Variants in ASTN2 observed in about 807,000 individuals in gnomAD.
ASTN2 encodes astrotactin 2, also known as astrotactin-2.
A neutral mutation model predicts 139.8 loss-of-function variants in ASTN2; 54 were observed. That is an observed-to-expected ratio of 0.39 (90% CI 0.31 to 0.48). ASTN2 has a LOEUF of 0.48. Ranked by LOEUF, ASTN2 falls within the 20% of genes least tolerant of loss-of-function variation. The probability of loss-of-function intolerance (pLI) is 0.95; values close to 1 mark genes in which losing one functional copy is unlikely to be tolerated. For synonymous variants in ASTN2, 756 were observed against 719.5 expected, an observed-to-expected ratio of 1.05 and a Z score of -0.81; for missense variants, 1,565 against 1,725.1, an observed-to-expected ratio of 0.91 and a Z score of 1.64.
intron 12 of ASTN2, among the ~76,000 whole-genome samples, chr9:116,810,224 C>T (rs1367449654): frequency 1.3e-5 from 2 of 152,166 alleles, no homozygotes; most frequent in African/African-American, 4.8e-5. Context: ...ATCAACTGTT[C>T]TTTTAAAACA....
chr9:116,473,939 T>C (rs1039694623), intron 20 of ASTN2, among the ~76,000 whole-genome samples: 6 of 152,038 alleles, frequency 3.9e-5, no homozygotes, highest in Non-Finnish European at 8.8e-5. Context: ...AGATCTTATA[T>C]GTACTTGGTA....
At chr9:116,898,293 C>T (rs1213199537) in intron 10 of ASTN2, among the ~76,000 whole-genome samples, 2 of 151,666 alleles carry the variant, frequency 1.3e-5, no homozygotes, top group Non-Finnish European at 2.9e-5. Flanking sequence ...CTTGTGGTCT[C>T]AGCTACTCGG....
In ASTN2 at chr9:117,214,992, G is replaced by A. The variant is rs1832267083; in HGVS notation, c.631-250C>T. Among the ~76,000 whole-genome samples, 3 of 152,194 alleles carry A rather than the reference G, an allele frequency of 2.0e-5. No individual in the cohort carries two copies. In the South Asian group the frequency reaches 6.2e-4, roughly 31 times the overall value. On this transcript the variant is annotated intron_variant, in intron 2 of 22. Coordinates refer to ENST00000313400, the MANE Select transcript of ASTN2 (RefSeq NM_001365068.1). ...CTTGCTTTCCATAGTTATAAAGGTT[G>A]AGTAGGAATCCCTGCTCTTCCTTCT... is the stretch of plus-strand genomic sequence containing the variant.
chr9:116,470,223 A>G (rs980229896), intron 20 of ASTN2, among the ~76,000 whole-genome samples: 1 of 152,026 alleles, frequency 6.6e-6, no homozygotes, highest in African/African-American at 2.4e-5. Flanking sequence ...AATAAAAAAT[A>G]AAAAAAATAA....
At chr9:117,396,539 A>G (rs1464212719) in intron 1 of ASTN2, among the ~76,000 whole-genome samples, 1 of 152,044 alleles carries the variant, frequency 6.6e-6, no homozygotes, top group Non-Finnish European at 1.5e-5. Context: ...TTGTAGGTGC[A>G]TATATTTATG....
At chr9:116,536,670 G>A (rs1057458227) in intron 19 of ASTN2, among the ~76,000 whole-genome samples, 7 of 152,210 alleles carry the variant, frequency 4.6e-5, no homozygotes, top group Non-Finnish European at 1.0e-4. Context: ...GCAGAACATC[G>A]AATATTGCTG....
chr9:117,028,273 C>A (rs1484237916), intron 6 of ASTN2, among the ~76,000 whole-genome samples: 1 of 152,128 alleles, frequency 6.6e-6, no homozygotes, highest in African/African-American at 2.4e-5. Flanking sequence ...GATGCCCCAG[C>A]CATTAGCTGA....
intron 5 of ASTN2, among the ~76,000 whole-genome samples, chr9:117,044,238 C>T (rs995300605): frequency 1.3e-5 from 2 of 152,034 alleles, no homozygotes; most frequent in Non-Finnish European, 2.9e-5. Context: ...AAGCAGAAGA[C>T]AAAAAGAGTA....
At chr9:117,341,256 C>T (rs1306777499) in intron 1 of ASTN2, among the ~76,000 whole-genome samples, 2 of 152,002 alleles carry the variant, frequency 1.3e-5, no homozygotes, top group Non-Finnish European at 1.5e-5. Flanking sequence ...TGAATCAAAT[C>T]GTTTTTTTTC....
chr9:116,452,902 C>T (rs1412874836), intron 20 of ASTN2, among the ~76,000 whole-genome samples: 1 of 152,200 alleles, frequency 6.6e-6, no homozygotes, highest in Non-Finnish European at 1.5e-5. Flanking sequence ...TCAACACTGA[C>T]ATCACTTCTC....
intron 16 of ASTN2, among the ~76,000 whole-genome samples, chr9:116,696,556 C>T (rs893343487): frequency 4.6e-5 from 7 of 152,144 alleles, no homozygotes; most frequent in African/African-American, 1.7e-4. Context: ...ATGCATCTTT[C>T]CAGGCCAATA....
chr9:116,632,347 C>A (rs1360843204), intron 17 of ASTN2, among the ~76,000 whole-genome samples: 1 of 139,102 alleles, frequency 7.2e-6, no homozygotes, highest in African/African-American at 2.6e-5. Context: ...AAAAAAAAGA[C>A]CTGTAATCTC....
chr9:116,865,423 CAAAAAAAAAAAAAAAAAA>C (rs869251101), intron 10 of ASTN2, among the ~76,000 whole-genome samples: 1 of 48,830 alleles, frequency 2.0e-5, no homozygotes, highest in African/African-American at 8.4e-5. Flanking sequence ...AACACTGTCT[CAAAAAAAAAAAAAAAAAA>C]AAAAAAAAAA....
chr9:117,346,010 C>CAAAAAAAAAAAAAAAAAAAAA (rs35773511), intron 1 of ASTN2, among the ~76,000 whole-genome samples: 9 of 92,336 alleles, frequency 9.7e-5, no homozygotes, highest in Non-Finnish European at 2.1e-4. Flanking sequence ...AACTAAGAGG[C>CAAAAAAAAAAAAAAAAAAAAA]AAAAAAAAAA....
At chr9:116,672,380 T>C (rs1588171262) in intron 16 of ASTN2, among the ~76,000 whole-genome samples, 1 of 151,470 alleles carries the variant, frequency 6.6e-6, no homozygotes, top group African/African-American at 2.4e-5. Flanking sequence ...AAAAAAAAAA[T>C]CTAGTAATTA....
chr9:117,307,666 A>G (rs1324047270), intron 1 of ASTN2, among the ~76,000 whole-genome samples: 1 of 152,188 alleles, frequency 6.6e-6, no homozygotes, highest in Non-Finnish European at 1.5e-5. Context: ...GCACATGGCC[A>G]CCTTCATGGG....
rs745882600 is a variant in ASTN2 at position 116,537,014 on chromosome 9, CT to C, written c.3356-49515del. ...TGTGGTGGGCTCCACCCCTTTTGAG[CT>C]TCCTGGCCACTTTGTTTACCTACTC... On this transcript the variant is annotated intron_variant, in intron 19 of 22. Transcript: ENST00000313400. Among the ~76,000 whole-genome samples, 8 of 152,346 alleles carry C rather than the reference CT, an allele frequency of 5.3e-5. No individual in the cohort carries two copies. In the East Asian group the frequency reaches 1.2e-3, roughly 22 times the overall value.
intron 1 of ASTN2, among the ~76,000 whole-genome samples, chr9:117,365,000 A>ACACACACACAC (rs1564167766): frequency 6.2e-5 from 6 of 96,228 alleles, no homozygotes; most frequent in African/African-American, 2.1e-4. Context: ...CACACACACA[A>ACACACACACAC]AATCAGCCAT....
intron 11 of ASTN2, among the ~76,000 whole-genome samples, chr9:116,863,002 T>G (rs1194540749): frequency 1.3e-5 from 2 of 152,146 alleles, no homozygotes; most frequent in African/African-American, 4.8e-5. Flanking sequence ...TGTGTGACCT[T>G]GTCCCACGCT....
Sources: gnomAD v4.1 joint callset for allele counts (sites outside exome capture counted in the v4.1 genomes callset) on GRCh38, gnomAD v4.1.1 for gene constraint, MANE v1.5 for transcripts, NCBI Gene and HGNC (gene_info 2026-07-23, HGNC 2026-07-21) for gene names.